GPATCH1: variants seen among roughly 807,000 people sequenced by gnomAD.
GPATCH1 encodes G patch domain-containing protein 1.
A neutral mutation model predicts 114.9 loss-of-function variants in GPATCH1; 73 were observed. The observed-to-expected ratio is 0.64, with a 90% CI of 0.53 to 0.77. The LOEUF (loss-of-function observed/expected upper bound fraction) is 0.77, where lower values mean the gene tolerates loss of function less well. Ranked by LOEUF, GPATCH1 falls within the 30% of genes least tolerant of loss-of-function variation. The probability of loss-of-function intolerance (pLI) is 0.00; values close to 1 mark genes in which losing one functional copy is unlikely to be tolerated. For synonymous variants in GPATCH1, 391 were observed against 428.4 expected (o/e 0.91, Z 1.08); for missense variants, 1,058 against 1,144.3 (o/e 0.92, Z 1.09).
rs1263812885 is a variant in GPATCH1, at chr19:33,111,386, A to G, written c.1586-338A>G. On this transcript the variant is annotated intron_variant, in intron 11 of 19. Transcript: ENST00000170564. ...GAGACAGAGTGAGACTCCATCTCAG[A>G]AAAAAAAAAAAAAAAAAAAAGAGAG... 1.1e-3 allele frequency among the ~76,000 whole-genome samples: 39 copies of G among 36,892 alleles called. No individual in the cohort carries two copies. In the African/African-American group the frequency reaches 0.029, roughly 28 times the overall value. 24.2% of individuals were successfully genotyped at this position (36,892 alleles called of 152,430 possible).
chr19:33,122,326 CTTT>C (rs35388450), intron 17 of GPATCH1, among the ~76,000 whole-genome samples: 9 of 116,118 alleles, frequency 7.8e-5, no homozygotes, highest in African/African-American at 1.0e-4. Context: ...CCTTTAGTTT[CTTT>C]TTTTTTTTTT....
At chr19:33,103,983 T>C (rs1972754794) in intron 9 of GPATCH1, among the ~76,000 whole-genome samples, 1 of 151,984 alleles carries the variant, frequency 6.6e-6, no homozygotes, top group African/African-American at 2.4e-5. Context: ...TCTCTAGATC[T>C]GAATCTAGAG....
rs1360256953 is a variant in GPATCH1, at chr19:33,126,875, GGGAGGCTGAGGCA to G, written c.2765+148_2765+160del. 7 of 693,712 alleles carry G rather than the reference GGGAGGCTGAGGCA, an allele frequency of 1.0e-5. No individual in the cohort carries two copies. The African/African-American group carries it at 1.3e-4, about 13-fold the overall frequency. 43.0% of individuals were successfully genotyped at this position (693,712 alleles called of 1,614,324 possible). A position where few individuals can be genotyped will look rare whatever the true frequency, so the allele number is the denominator to read the frequency against. Reference sequence around the variant, plus strand: ...CTCACGCCTATAATCCCAGCACTTTGGGAGGCTGAGGCAGGAGGATCGCTTGAGCCCAGGAGTT... The same window carrying G: ...CTCACGCCTATAATCCCAGCACTTTGGGAGGATCGCTTGAGCCCAGGAGTT... On this transcript the variant is annotated intron_variant, in intron 19 of 19. Coordinates refer to ENST00000170564, the MANE Select transcript of GPATCH1 (RefSeq NM_018025.3).
chr19:33,089,212 T>C (rs1972567893), intron 2 of GPATCH1, among the ~76,000 whole-genome samples: 3 of 151,788 alleles, frequency 2.0e-5, no homozygotes, highest in African/African-American at 7.3e-5. Flanking sequence ...ACTGAGTGAG[T>C]GAGGAGGGCA....
intron 4 of GPATCH1, 51 bp from the exon 5 acceptor site, chr19:33,094,121 C>T: frequency 1.0e-6 from 1 of 989,330 alleles, no homozygotes; most frequent in Non-Finnish European, 1.6e-6. Context: ...ATTTCATATT[C>T]TTTGTTAATG....
At position 33,096,359 on chromosome 19, in the gene GPATCH1, TA is replaced by T. The variant is rs1450876126; in HGVS notation, c.767del (p.Asn256IlefsTer18). 2 of 1,614,096 alleles carry T rather than the reference TA, an allele frequency of 1.2e-6. No individual in the cohort carries two copies. Among genetic ancestry groups the T allele is most frequent in the Non-Finnish European group, 1.7e-6 (2 of 1,179,966 alleles). On this transcript the variant is annotated frameshift_variant, in exon 7 of 20. Coordinates refer to ENST00000170564, the MANE Select transcript of GPATCH1 (RefSeq NM_018025.3). LOFTEE classifies it high-confidence loss of function. ...ALFGTSGEHF[N>X]LFSGGSERAG... ...TGTTTGGAACTTCGGGAGAACATTTTAATCTTTTCAGTGGTGGTTCTGAGAG... is the reference window on the plus strand; with the variant it reads ...TGTTTGGAACTTCGGGAGAACATTTTATCTTTTCAGTGGTGGTTCTGAGAG...
At position 33,096,377 on chromosome 19, in the gene GPATCH1, T is replaced by C; in HGVS notation, c.783T>C (p.Gly261=). The C allele has an allele frequency of 6.2e-7, 1 of 1,613,996 alleles. No individual in the cohort carries two copies. The highest frequency in any genetic ancestry group is 8.5e-7 in the Non-Finnish European group (1 of 1,179,866). ...AACATTTTAATCTTTTCAGTGGTGG[T>C]TCTGAGAGAGCTGGCGATCTTGGAG... The part of the protein sequence containing the change: ...SGEHFNLFSG[G]SERAGDLGEI... The change falls in exon 7 of 20, where the codon GGT becomes GGC. Residue 261 remains glycine (G), a synonymous_variant. Coordinates refer to ENST00000170564, the MANE Select transcript of GPATCH1 (RefSeq NM_018025.3).
intron 3 of GPATCH1, among the ~76,000 whole-genome samples, chr19:33,092,710 T>C (rs1024188222): frequency 6.6e-6 from 1 of 152,230 alleles, no homozygotes; most frequent in African/African-American, 2.4e-5. Flanking sequence ...CACTTGTGAA[T>C]GCTTGCTGGC....
At chr19:33,120,058 CT>C in intron 17 of GPATCH1, among the ~76,000 whole-genome samples, 1 of 121,054 alleles carries the variant, frequency 8.3e-6, no homozygotes, top group East Asian at 2.5e-4. Flanking sequence ...TATATTTATA[CT>C]TATATATATA....
At chr19:33,098,239 G>A (rs1040942451) in intron 8 of GPATCH1, among the ~76,000 whole-genome samples, 2 of 152,126 alleles carry the variant, frequency 1.3e-5, no homozygotes, top group Non-Finnish European at 2.9e-5. Flanking sequence ...CTGGGCAGGT[G>A]GCCAAAGGAG....
intron 1 of GPATCH1, among the ~76,000 whole-genome samples, chr19:33,085,536 A>G (rs766987356): frequency 6.6e-6 from 1 of 152,048 alleles, no homozygotes; most frequent in Non-Finnish European, 1.5e-5. Flanking sequence ...AAAAAATGTA[A>G]CCATTAGCCA....
chr19:33,124,729 C>T (rs1973021029), intron 17 of GPATCH1, among the ~76,000 whole-genome samples: 1 of 152,122 alleles, frequency 6.6e-6, no homozygotes, highest in African/African-American at 2.4e-5. Flanking sequence ...TCGAAGATCA[C>T]AGTGCTGGCA....
At position 33,096,443 on chromosome 19, in the gene GPATCH1, C is replaced by G; in HGVS notation, c.849C>G (p.Gly283=). 1 of 1,606,378 alleles carries G rather than the reference C, an allele frequency of 6.2e-7. No individual in the cohort carries two copies. Among genetic ancestry groups the G allele is most frequent in the Non-Finnish European group, 8.5e-7 (1 of 1,176,416 alleles). ...LNKGRKLGIS[G]QAFGVGALEE... ...AAGGAAGAAAATTGGGAATTTCAGG[C>G]CAGGTAAAATTATTTTCTATTTTAT... Residue 283 remains glycine (G), a synonymous_variant, in exon 7 of 20, where the codon GGC becomes GGG. Coordinates refer to ENST00000170564, the MANE Select transcript of GPATCH1 (RefSeq NM_018025.3).
intron 9 of GPATCH1, among the ~76,000 whole-genome samples, chr19:33,102,350 A>C (rs1005487292): frequency 9.2e-5 from 14 of 151,994 alleles, no homozygotes; most frequent in Admixed American, 3.3e-4. Context: ...AGAAAAGAAA[A>C]GAAATATCAG....
intron 10 of GPATCH1, among the ~76,000 whole-genome samples, chr19:33,107,835 T>G (rs1030521461): frequency 1.3e-5 from 2 of 152,110 alleles, no homozygotes; most frequent in Non-Finnish European, 2.9e-5. Flanking sequence ...TCTTTTTTTT[T>G]TCTTAATTTT....
chr19:33,113,757 CA>C lies in GPATCH1; in HGVS notation c.1893-8del. 6.2e-7 allele frequency: 1 copy of C among 1,605,856 alleles called. No individual in the cohort carries two copies. The highest frequency in any genetic ancestry group is 1.7e-5 in the Admixed American group (1 of 57,808). ...GTTGTTACTAAAATGATTCTTTTTT[CA>C]ATTCCCAGTTCAACTTTAGTTGGCT... On this transcript the variant is annotated splice_polypyrimidine_tract_variant and intron_variant, in intron 13 of 19. Transcript: ENST00000170564.
In GPATCH1 at chr19:33,109,749, C is replaced by CA; in HGVS notation, c.1323dup (p.Asp442ArgfsTer13). 1 of 1,583,606 alleles carries CA rather than the reference C, an allele frequency of 6.3e-7. No homozygotes were observed. Among genetic ancestry groups the CA allele is most frequent in the Non-Finnish European group, 8.6e-7 (1 of 1,164,708 alleles). ...TACTTCAGTGTTAGAATTTCTGTCC[C>CA]AAAAAGACAAAGAGAGAATCAAAGA... On this transcript the variant is annotated frameshift_variant, in exon 11 of 20. Transcript: ENST00000170564. LOFTEE classifies it high-confidence loss of function.
chr19:33,095,768 G>C lies in GPATCH1; in HGVS notation c.560G>C (p.Gly187Ala). The C allele has an allele frequency of 6.2e-7, 1 of 1,608,798 alleles. No homozygotes were observed. Among genetic ancestry groups the C allele is most frequent in the Non-Finnish European group, 8.5e-7 (1 of 1,175,286 alleles). Residue 187 changes from glycine (G) to alanine (A), a missense_variant, in exon 6 of 20, where the codon GGA becomes GCA. Physicochemically the swap from Gly to Ala is moderately conservative, Grantham distance 60. Coordinates refer to ENST00000170564, the MANE Select transcript of GPATCH1 (RefSeq NM_018025.3). ...RRPRRQKPDP[G>A]VKIYGCALPP... is the part of the protein sequence containing the mutation. Reference sequence around the variant, plus strand: ...TTTGAAATCTCTTTTCTAGATCCTGGAGTCAAAATCTATGGCTGTGCATTA... The same window carrying C: ...TTTGAAATCTCTTTTCTAGATCCTGCAGTCAAAATCTATGGCTGTGCATTA...
At chr19:33,123,994 C>T (rs564811797) in intron 17 of GPATCH1, among the ~76,000 whole-genome samples, 19 of 152,140 alleles carry the variant, frequency 1.2e-4, no homozygotes, top group African/African-American at 4.1e-4. Flanking sequence ...GTGGGGATTA[C>T]AGATGCATGC....
Sources: allele counts gnomAD v4.1 joint callset (sites outside exome capture counted in the v4.1 genomes callset), GRCh38; gene constraint gnomAD v4.1.1; transcripts MANE v1.5; gene names NCBI Gene and HGNC (gene_info 2026-07-23, HGNC 2026-07-21).